Variants in CACNA1C observed in about 807,000 individuals in gnomAD.
The protein encoded by CACNA1C is voltage-dependent L-type calcium channel subunit alpha-1C.
In CACNA1C, 30 loss-of-function variants were observed where a neutral mutation model predicts 229.0. The ratio of observed to expected loss-of-function variants is 0.13; its 90% confidence interval spans 0.10 to 0.18. The LOEUF (loss-of-function observed/expected upper bound fraction) is 0.18, where lower values mean the gene tolerates loss of function less well. CACNA1C is among the 10% of genes least tolerant of loss of function. The pLI, the probability that CACNA1C is intolerant of heterozygous loss-of-function variation, is 1.00. For synonymous variants in CACNA1C, 1,114 were observed against 1,132.5 expected (o/e 0.98, Z 0.33); for missense variants, 1,658 against 2,845.0 (o/e 0.58, Z 9.49).
At chr12:2,583,041 C>G in intron 15 of CACNA1C, 99 bp downstream of exon 15, 2 of 815,022 alleles carry the variant, frequency 2.5e-6, no homozygotes, top group Non-Finnish European at 4.0e-6. Flanking sequence ...CGGTCCTGCT[C>G]GGGCTCACAC....
At chr12:2,431,286 G>A (rs576488925) in intron 3 of CACNA1C, among the ~76,000 whole-genome samples, 1 of 152,304 alleles carries the variant, frequency 6.6e-6, no homozygotes, top group South Asian at 2.1e-4. Flanking sequence ...GAGAACCGAA[G>A]TTTGGGATCC....
intron 30 of CACNA1C, among the ~76,000 whole-genome samples, chr12:2,635,699 G>A (rs916053550): frequency 8.5e-5 from 13 of 152,078 alleles, no homozygotes; most frequent in Non-Finnish European, 1.6e-4. Context: ...TATGTCCCCC[G>A]CTGTAGTCTG....
Position 2,630,313 on chromosome 12 carries a change from T to G in CACNA1C, c.3829-3984T>G, listed in dbSNP as rs2089762917. ...CCTTAAAACCCCTATTACTAATGGT[T>G]TCCAGCAACCGAGGGGGCGGGCAAA... is the stretch of plus-strand genomic sequence containing the variant. On this transcript the variant is annotated intron_variant, in intron 29 of 46. Transcript: ENST00000399655. This position sits in a 1 kb window ranked among gnomAD's most constrained non-coding sequence, Gnocchi z 5.4. Among the ~76,000 whole-genome samples the G allele has an allele frequency of 6.6e-6, 1 of 152,218 alleles. No homozygotes were observed. Among genetic ancestry groups the G allele is most frequent in the Non-Finnish European group, 1.5e-5 (1 of 67,990 alleles).
At chr12:2,244,339 G>A (rs980177602) in intron 3 of CACNA1C, among the ~76,000 whole-genome samples, 3 of 152,202 alleles carry the variant, frequency 2.0e-5, no homozygotes, top group Non-Finnish European at 4.4e-5. Flanking sequence ...CTGCAGCTCC[G>A]CTTTTGAACA....
chr12:2,532,136 A>G (rs983014423), intron 9 of CACNA1C, among the ~76,000 whole-genome samples: 2 of 151,988 alleles, frequency 1.3e-5, no homozygotes, highest in African/African-American at 2.4e-5. Flanking sequence ...CCTGCCTCCT[A>G]TGTTTCCATG....
chr12:1,978,600 A>G (rs540130340), intron 1 of CACNA1C, among the ~76,000 whole-genome samples: 1 of 152,314 alleles, frequency 6.6e-6, no homozygotes, highest in Middle Eastern at 3.4e-3. Context: ...GTTGGCAATA[A>G]AACACTCTTA....
intron 1 of CACNA1C, among the ~76,000 whole-genome samples, chr12:2,105,901 C>T (rs1202515162): frequency 1.5e-4 from 4 of 27,334 alleles, no homozygotes; most frequent in Admixed American, 3.1e-4. Context: ...GCGCCCACCC[C>T]GGGGAGGGTT....
chr12:2,560,612 G>T (rs540267026), intron 11 of CACNA1C, among the ~76,000 whole-genome samples: 3 of 152,238 alleles, frequency 2.0e-5, no homozygotes, highest in Admixed American at 2.0e-4. Flanking sequence ...TGGAGTTTCT[G>T]GATCTCAACT....
At chr12:2,079,190 TA>T (rs2064471261) in intron 1 of CACNA1C, among the ~76,000 whole-genome samples, 1 of 151,442 alleles carries the variant, frequency 6.6e-6, no homozygotes. Context: ...AATGAAGAGT[TA>T]ATGGGTGCAG....
intron 3 of CACNA1C, among the ~76,000 whole-genome samples, chr12:2,245,665 A>T (rs1314341749): frequency 1.3e-5 from 2 of 152,218 alleles, no homozygotes; most frequent in East Asian, 3.9e-4. Flanking sequence ...CAAGTCTCTG[A>T]AAAGTGAAAG....
intron 3 of CACNA1C, among the ~76,000 whole-genome samples, chr12:2,333,526 C>A (rs2154515996): frequency 6.6e-6 from 1 of 152,306 alleles, no homozygotes; most frequent in South Asian, 2.1e-4. Context: ...AAGGGGAAGG[C>A]AAACTGTATG....
In CACNA1C at chr12:2,649,334, A is replaced by AGT. The variant is rs2094679754; in HGVS notation, c.3945+829_3945+830dup. On this transcript the variant is annotated intron_variant, in intron 31 of 46. Coordinates refer to ENST00000399655, the MANE Select transcript of CACNA1C (RefSeq NM_000719.7). The surrounding 1 kb of genome is among the most constrained non-coding windows in gnomAD (Gnocchi z 4.4). The stretch of plus-strand genomic sequence containing the variant: ...CCAAGTATGAGTTTTTAGAAGGACC[A>AGT]GTGGGGTTGATTGACCAAGCCACCA... 6.6e-6 allele frequency among the ~76,000 whole-genome samples: 1 copy of AGT among 152,202 alleles called. No homozygotes were observed. The highest frequency in any genetic ancestry group is 2.1e-4 in the South Asian group (1 of 4,832).
At chr12:2,521,421 C>A (rs374791598) in intron 9 of CACNA1C, among the ~76,000 whole-genome samples, 1 of 152,162 alleles carries the variant, frequency 6.6e-6, no homozygotes, top group African/African-American at 2.4e-5. Flanking sequence ...AGGGGCAGAG[C>A]AAACAGGCTG....
At chr12:2,509,713 C>T (rs1860100) in intron 8 of CACNA1C, among the ~76,000 whole-genome samples, 10,413 of 152,142 alleles carry the variant, frequency 0.068, 1,206 homozygotes, top group African/African-American at 0.24. Flanking sequence ...AAATCACCAA[C>T]AAAAAGCACA....
chr12:2,417,981 G>C lies in CACNA1C; in HGVS notation c.478-30995G>C, dbSNP rs139968295. Among the ~76,000 whole-genome samples the C allele has an allele frequency of 3.0e-3, 464 of 152,286 alleles. 1 individual carries two copies. Among genetic ancestry groups the C allele is most frequent in the Non-Finnish European group, 5.6e-3 (384 of 68,022 alleles). Reference sequence around the variant, plus strand: ...TGGGCTCAGCAGGGACTTCAGTGGAGACCAAAACCAGGTGCAGTTCCTGCT... The same window carrying C: ...TGGGCTCAGCAGGGACTTCAGTGGACACCAAAACCAGGTGCAGTTCCTGCT... On this transcript the variant is annotated intron_variant, in intron 3 of 46. Coordinates refer to ENST00000399655, the MANE Select transcript of CACNA1C (RefSeq NM_000719.7).
At chr12:2,532,225 C>G (rs2099842627) in intron 9 of CACNA1C, among the ~76,000 whole-genome samples, 1 of 152,222 alleles carries the variant, frequency 6.6e-6, no homozygotes, top group Non-Finnish European at 1.5e-5. Flanking sequence ...CGCTGAGCTG[C>G]TACACCATGT....
At position 2,518,643 on chromosome 12, in the gene CACNA1C, A is replaced by G. The variant is rs191943708; in HGVS notation, c.1390+5659A>G. Among the ~76,000 whole-genome samples the G allele has an allele frequency of 2.9e-3, 437 of 152,182 alleles. 4 individuals carry two copies. Among genetic ancestry groups the G allele is most frequent in the African/African-American group, 0.01 (419 of 41,532 alleles). On this transcript the variant is annotated intron_variant, in intron 9 of 46. Coordinates refer to ENST00000399655, the MANE Select transcript of CACNA1C (RefSeq NM_000719.7). ...AAAAAAATCAGTACGATCAGTATTT[A>G]TCTAGATCTCTCGATACCTACAACA...
Position 2,677,622 on chromosome 12 carries a change from G to A in CACNA1C, c.4957-111G>A, listed in dbSNP as rs1451747103. 4.8e-6 allele frequency: 6 copies of A among 1,257,732 alleles called. No homozygotes were observed. Among genetic ancestry groups the A allele is most frequent in the South Asian group, 2.8e-5 (2 of 71,990 alleles). 77.9% of individuals were successfully genotyped at this position (1,257,732 alleles called of 1,614,324 possible). On this transcript the variant is annotated intron_variant, in intron 40 of 46. Coordinates refer to ENST00000399655, the MANE Select transcript of CACNA1C (RefSeq NM_000719.7). The surrounding 1 kb of genome is among the most constrained non-coding windows in gnomAD (Gnocchi z 7.4). The stretch of plus-strand genomic sequence containing the variant: ...ACCTTCCGGAGGGTCGACTGGCTGG[G>A]TGGAGGATGCCAGGGCCCTGGAGGG...
At chr12:2,145,367 C>G (rs1447265958) in intron 3 of CACNA1C, among the ~76,000 whole-genome samples, 8 of 150,950 alleles carry the variant, frequency 5.3e-5, no homozygotes, top group Admixed American at 2.0e-4. Context: ...TAATAAAACT[C>G]TTTGTTTATT....
Sources: allele counts gnomAD v4.1 joint callset (sites outside exome capture counted in the v4.1 genomes callset), GRCh38; gene constraint gnomAD v4.1.1; non-coding constraint Gnocchi (gnomAD v3.1); transcripts MANE v1.5; gene names NCBI Gene and HGNC (gene_info 2026-07-23, HGNC 2026-07-21).